The following FHIP1A variants were observed in gnomAD, a reference collection of about 807,000 sequenced individuals.
FHIP1A encodes the protein FHF complex subunit HOOK interacting protein 1A, also known as FHF complex subunit HOOK-interacting protein 1A.
In FHIP1A, 61 loss-of-function variants were observed where a neutral mutation model predicts 88.6. The observed-to-expected ratio is 0.69, with a 90% CI of 0.56 to 0.85. The LOEUF is 0.85. Among genes scored for constraint, FHIP1A ranks in the 40% least tolerant of loss-of-function variants. FHIP1A has a pLI of 0.00. For synonymous variants in FHIP1A, 478 were observed against 496.0 expected (o/e 0.96, Z 0.48); for missense variants, 1,154 against 1,273.5 (o/e 0.91, Z 1.43).
Position 151,577,335 on chromosome 4 carries a change from T to C in FHIP1A, c.106-115T>C, listed in dbSNP as rs919638089. The C allele has an allele frequency of 4.6e-6, 4 of 875,358 alleles. No individual in the cohort carries two copies. The East Asian group carries it at 1.1e-4, about 23-fold the overall frequency. 54.2% of individuals were successfully genotyped at this position (875,358 alleles called of 1,614,324 possible). On this transcript the variant is annotated intron_variant, in intron 4 of 13. Transcript: ENST00000435205. ...CACACACACACAATGCCCACACATA[T>C]CTTGTGGGCAGTGGCTCCTGCATTT...
intron 2 of FHIP1A, among the ~76,000 whole-genome samples, chr4:151,477,251 G>T (rs1729740915): frequency 6.6e-6 from 1 of 152,144 alleles, no homozygotes; most frequent in Non-Finnish European, 1.5e-5. Context: ...ATACAATAAA[G>T]GTGGTATTTC....
chr4:151,641,791 AT>A (rs1476806277), intron 9 of FHIP1A, among the ~76,000 whole-genome samples: 1 of 152,232 alleles, frequency 6.6e-6, no homozygotes, highest in Non-Finnish European at 1.5e-5. Context: ...TCATTTAAAC[AT>A]TATTTTAAGG....
chr4:151,633,784 G>T (rs549970137), intron 8 of FHIP1A, among the ~76,000 whole-genome samples: 64 of 151,770 alleles, frequency 4.2e-4, no homozygotes, highest in Non-Finnish European at 7.2e-4. Context: ...CAACAAACTA[G>T]AAATATAAAG....
chr4:151,451,461 A>C (rs78520049), intron 1 of FHIP1A, among the ~76,000 whole-genome samples: 1,556 of 152,318 alleles, frequency 0.01, 14 homozygotes, highest in South Asian at 0.031. Flanking sequence ...TTTTAAATAC[A>C]GTTCTACATG....
rs1578756073 is a variant in FHIP1A at position 151,562,636 on chromosome 4, A to T, written c.-122-3502A>T. Among the ~76,000 whole-genome samples the T allele has an allele frequency of 2.6e-5, 4 of 152,314 alleles. No individual in the cohort carries two copies. In the South Asian group the frequency reaches 8.3e-4, roughly 32 times the overall value. ...CATTAGAGAGTATTTATTTAAACAG[A>T]TAAAAGAATTGAAGGATTGTATGAG... On this transcript the variant is annotated intron_variant, in intron 3 of 13. Transcript: ENST00000435205.
chr4:151,458,312 T>A (rs1729035157), intron 2 of FHIP1A, among the ~76,000 whole-genome samples: 1 of 152,144 alleles, frequency 6.6e-6, no homozygotes, highest in Non-Finnish European at 1.5e-5. Context: ...ACCAGTTTTG[T>A]GGCCTTGGGG....
At chr4:151,556,391 G>A (rs1453616531) in intron 3 of FHIP1A, among the ~76,000 whole-genome samples, 4 of 152,020 alleles carry the variant, frequency 2.6e-5, no homozygotes, top group African/African-American at 9.7e-5. Context: ...ATTCTAATTA[G>A]CAGTGTTTGT....
intron 7 of FHIP1A, among the ~76,000 whole-genome samples, chr4:151,612,952 G>C (rs1034930568): frequency 6.6e-6 from 1 of 152,198 alleles, no homozygotes; most frequent in African/African-American, 2.4e-5. Flanking sequence ...CTTACTGACC[G>C]TGCTTCTTTT....
At chr4:151,649,422 C>A (rs1325511843) in intron 10 of FHIP1A, 37 bp from the exon 11 acceptor site, 1 of 1,468,896 alleles carries the variant, frequency 6.8e-7, no homozygotes, top group South Asian at 1.3e-5. Flanking sequence ...TGTCCCCACA[C>A]CTCCCTTGTT....
chr4:151,550,347 G>A (rs1732677706), intron 3 of FHIP1A, among the ~76,000 whole-genome samples: 2 of 151,820 alleles, frequency 1.3e-5, no homozygotes, highest in Non-Finnish European at 2.9e-5. Flanking sequence ...TCTATTTTTT[G>A]TACCCATTAG....
chr4:151,434,557 C>T (rs147548109), intron 1 of FHIP1A, among the ~76,000 whole-genome samples: 1 of 152,136 alleles, frequency 6.6e-6, no homozygotes, highest in East Asian at 1.9e-4. Flanking sequence ...CCAGTTAACT[C>T]TGCCTCTTGG....
At chr4:151,654,831 A>G (rs553092959) in intron 11 of FHIP1A, among the ~76,000 whole-genome samples, 2 of 152,188 alleles carry the variant, frequency 1.3e-5, no homozygotes, top group Non-Finnish European at 2.9e-5. Context: ...TATGTCATGG[A>G]AAGTGACTAA....
chr4:151,506,141 C>T lies in FHIP1A; in HGVS notation c.-123+23493C>T, dbSNP rs534848501. 3.5e-4 allele frequency among the ~76,000 whole-genome samples: 53 copies of T among 152,168 alleles called. 1 individual carries two copies. Among genetic ancestry groups the T allele is most frequent in the Middle Eastern group, 6.8e-3 (2 of 292 alleles). On this transcript the variant is annotated intron_variant, in intron 3 of 13. Transcript: ENST00000435205. The stretch of plus-strand genomic sequence containing the variant: ...CTCACTGCGTTGCCCAGGCTGGCCT[C>T]TAACATTCCCCCTGTCTTGGCCTCT...
chr4:151,440,099 G>A (rs1450068753), intron 1 of FHIP1A, among the ~76,000 whole-genome samples: 1 of 152,174 alleles, frequency 6.6e-6, no homozygotes. Context: ...TATTCACAGG[G>A]CAGCAGGAGA....
At chr4:151,444,488 T>TTCA (rs1277100583) in intron 1 of FHIP1A, among the ~76,000 whole-genome samples, 1 of 152,122 alleles carries the variant, frequency 6.6e-6, no homozygotes, top group Non-Finnish European at 1.5e-5. Flanking sequence ...TAGAAACCCG[T>TTCA]TTGTCCTCCC....
intron 4 of FHIP1A, among the ~76,000 whole-genome samples, chr4:151,574,545 A>T (rs1237647125): frequency 6.6e-6 from 1 of 152,014 alleles, no homozygotes; most frequent in African/African-American, 2.4e-5. Flanking sequence ...ACATATGCAT[A>T]TTTATAAATT....
intron 8 of FHIP1A, among the ~76,000 whole-genome samples, chr4:151,630,122 T>C (rs1459832780): frequency 6.6e-6 from 1 of 152,196 alleles, no homozygotes; most frequent in Non-Finnish European, 1.5e-5. Context: ...TCTTTCGCTA[T>C]TTCTCTGTTT....
rs111734450 is a variant in FHIP1A, at chr4:151,452,936, G to GTATATATATATATATATATA, written c.-355-1749_-355-1748insTATATATATATATATATATA. On this transcript the variant is annotated intron_variant, in intron 1 of 13. Transcript: ENST00000435205. ...TTCCTATGTCTGCAGACATTGAAACGTATATATATATATATACATACACAC... is the reference window on the plus strand; with the variant it reads ...TTCCTATGTCTGCAGACATTGAAACGTATATATATATATATATATATATATATATATATATACATACACAC... Among the ~76,000 whole-genome samples, 115 of 146,194 alleles carry GTATATATATATATATATATA rather than the reference G, an allele frequency of 7.9e-4. 1 individual carries two copies. Among genetic ancestry groups the GTATATATATATATATATATA allele is most frequent in the African/African-American group, 2.9e-3 (112 of 38,296 alleles).
intron 7 of FHIP1A, among the ~76,000 whole-genome samples, chr4:151,615,788 A>G (rs994308509): frequency 3.9e-5 from 6 of 152,166 alleles, no homozygotes; most frequent in African/African-American, 1.2e-4. Flanking sequence ...AACAGTGTGG[A>G]CAGGGGGTTA....
Sources: gnomAD v4.1 joint callset for allele counts (sites outside exome capture counted in the v4.1 genomes callset) on GRCh38, gnomAD v4.1.1 for gene constraint, MANE v1.5 for transcripts, NCBI Gene and HGNC (gene_info 2026-07-23, HGNC 2026-07-21) for gene names.